Variants in CACNA1S observed in about 807,000 individuals in gnomAD.
CACNA1S encodes the protein calcium voltage-gated channel subunit alpha1 S.
Under a neutral mutation model 207.4 loss-of-function variants are expected in CACNA1S, and 126 were observed. That is an observed-to-expected ratio of 0.61 (90% CI 0.53 to 0.70). CACNA1S has a LOEUF of 0.70. CACNA1S is among the 30% of genes least tolerant of loss of function. The probability of loss-of-function intolerance (pLI) is 0.00; values close to 1 mark genes in which losing one functional copy is unlikely to be tolerated. For missense variants in CACNA1S, 2,349 were observed against 2,422.8 expected, an observed-to-expected ratio of 0.97 and a Z score of 0.64; for synonymous variants, 960 against 932.7, an observed-to-expected ratio of 1.03 and a Z score of -0.53.
At chr1:201,111,594 C>G (rs572132084) in intron 1 of CACNA1S, among the ~76,000 whole-genome samples, 1 of 152,242 alleles carries the variant, frequency 6.6e-6, no homozygotes, top group East Asian at 1.9e-4. Context: ...TTGGCTCTGT[C>G]CTCAGCTGGG....
chr1:201,041,601 G>A lies in CACNA1S; in HGVS notation c.5049-12C>T. 6.3e-7 allele frequency: 1 copy of A among 1,598,482 alleles called. No individual in the cohort carries two copies. Among genetic ancestry groups the A allele is most frequent in the East Asian group, 2.2e-5 (1 of 44,790 alleles). ...TTTCATAGTGGACACTGAAATGGAA[G>A]CAAGGCTGGGTGAACCAGAGAAGGC... is the stretch of plus-strand genomic sequence containing the variant. On this transcript the variant is annotated splice_polypyrimidine_tract_variant and intron_variant, in intron 40 of 43. Transcript: ENST00000362061.
At chr1:201,095,155 TA>T (rs918924295) in intron 2 of CACNA1S, among the ~76,000 whole-genome samples, 3 of 137,862 alleles carry the variant, frequency 2.2e-5, no homozygotes, top group Non-Finnish European at 3.2e-5. Context: ...TACATATATA[TA>T]CATATATATA....
At chr1:201,054,444 T>G in intron 29 of CACNA1S, 61 bp downstream of exon 29, 1 of 1,505,470 alleles carries the variant, frequency 6.6e-7, no homozygotes, top group Non-Finnish European at 9.2e-7. Flanking sequence ...GGCCCATGCA[T>G]GCAAGTGGCA....
chr1:201,074,521 C>A lies in CACNA1S; in HGVS notation c.2048G>T (p.Arg683Leu). 6.2e-7 allele frequency: 1 copy of A among 1,611,924 alleles called. No individual in the cohort carries two copies. Among genetic ancestry groups the A allele is most frequent in the East Asian group, 2.2e-5 (1 of 44,882 alleles). Residue 683 changes from arginine (R) to leucine (L), a missense_variant, in exon 14 of 44, where the codon CGC becomes CTC. Transcript: ENST00000362061. ...AQKAKAEEKK[R>L]RKMSKGLPDK... ...AAGCACTCACTTGGACATCTTCCTG[C>A]GTTTTTTCTCCTCAGCCTTGGCCTT...
Position 201,084,959 on chromosome 1 carries a change from A to G in CACNA1S, c.1223T>C (p.Ile408Thr), listed in dbSNP as rs1156295679. Reference sequence around the variant, plus strand: ...GTGGGCAGATACTCACATGAACTGGATGATTTTGTTCAAGCCTGCAATTTC... The same window carrying G: ...GTGGGCAGATACTCACATGAACTGGGTGATTTTGTTCAAGCCTGCAATTTC... The part of the protein sequence containing the change: ...LYEIAGLNKI[I>T]QFIRHWRQWN... The change falls in exon 9 of 44, where the codon ATC becomes ACC. Residue 408 changes from isoleucine to threonine, a missense_variant. Transcript: ENST00000362061. 1.9e-6 allele frequency: 3 copies of G among 1,612,126 alleles called. No homozygotes were observed. Among genetic ancestry groups the G allele is most frequent in the Admixed American group, 1.7e-5 (1 of 60,028 alleles).
At chr1:201,062,542 G>T (rs1365217510) in intron 22 of CACNA1S, 28 bp from the exon 23 acceptor site, 4 of 1,597,134 alleles carry the variant, frequency 2.5e-6, no homozygotes, top group East Asian at 2.2e-5. Flanking sequence ...GAGGGAGGGA[G>T]GGAGGCATGT....
chr1:201,047,392 G>A, intron 37 of CACNA1S, 133 bp downstream of exon 37: 1 of 1,250,282 alleles, frequency 8.0e-7, no homozygotes, highest in Admixed American at 1.9e-5. Context: ...GAGGTTGGAT[G>A]CCCGTGGGAT....
chr1:201,072,113 T>C (rs9427467), intron 16 of CACNA1S, among the ~76,000 whole-genome samples: 120,292 of 152,116 alleles, frequency 0.79, 47,755 homozygotes, highest in East Asian at 0.97. Context: ...CAGGGCTCTG[T>C]CAGGTGGCCT....
At chr1:201,084,918 G>T (rs769084152) in intron 9 of CACNA1S, 32 bp downstream of exon 9, 15 of 1,476,812 alleles carry the variant, frequency 1.0e-5, no homozygotes, top group Non-Finnish European at 1.4e-5. Context: ...GCTGGGGGTT[G>T]GGGGTTCCTG....
At chr1:201,087,448 G>A (rs1662070999) in intron 7 of CACNA1S, among the ~76,000 whole-genome samples, 2 of 152,198 alleles carry the variant, frequency 1.3e-5, no homozygotes, top group Non-Finnish European at 2.9e-5. Flanking sequence ...GGGGCCAGGA[G>A]GCTGGAGTTT....
chr1:201,087,802 C>A (rs763884745), intron 7 of CACNA1S, 24 bp downstream of exon 7: 3 of 1,498,618 alleles, frequency 2.0e-6, no homozygotes, highest in Non-Finnish European at 1.9e-6. Flanking sequence ...TCTTTTCTCC[C>A]CTGGCTACCT....
At chr1:201,077,151 T>C in intron 11 of CACNA1S, 24 bp from the exon 12 acceptor site, 1 of 1,606,500 alleles carries the variant, frequency 6.2e-7, no homozygotes, top group Non-Finnish European at 8.5e-7. Flanking sequence ...AGGCACAAGG[T>C]GGGAGGAGAC....
rs540187846 is a variant in CACNA1S, at chr1:201,070,519, G to A, written c.2228-115C>T. 10 of 1,397,842 alleles carry A rather than the reference G, an allele frequency of 7.2e-6. No homozygotes were observed. In the East Asian group the frequency reaches 2.3e-4, roughly 32 times the overall value. The allele number at this position is 1,397,842 out of a possible 1,614,324, so 86.6% of individuals were successfully genotyped here. A position where few individuals can be genotyped will look rare whatever the true frequency, so the allele number is the denominator to read the frequency against. Reference sequence around the variant, plus strand: ...GCAGCCAGTAAGCAAGGGACCACCAGGCTGACTTGGGACCCTAGGGCTTTG... The same window carrying A: ...GCAGCCAGTAAGCAAGGGACCACCAAGCTGACTTGGGACCCTAGGGCTTTG... On this transcript the variant is annotated intron_variant, in intron 16 of 43. Coordinates refer to ENST00000362061, the MANE Select transcript of CACNA1S (RefSeq NM_000069.3).
At chr1:201,110,808 T>C (rs1263484298) in intron 1 of CACNA1S, among the ~76,000 whole-genome samples, 1 of 151,948 alleles carries the variant, frequency 6.6e-6, no homozygotes, top group Non-Finnish European at 1.5e-5. Flanking sequence ...CTCACACCCA[T>C]CACACCTCAC....
rs3767510 is a variant in CACNA1S at position 201,075,216 on chromosome 1, C to T, written c.1948+279G>A. 0.44 allele frequency among the ~76,000 whole-genome samples: 67,012 copies of T among 152,088 alleles called. 16,215 individuals are homozygous for T. The highest frequency in any genetic ancestry group is 0.96 in the East Asian group (4,957 of 5,170). ...GTTCCTCAGCAAAGCTCTGTCCTTC[C>T]TCCCCACTGCTCTAGGCTCACTGAC... On this transcript the variant is annotated intron_variant, in intron 13 of 43. Coordinates refer to ENST00000362061, the MANE Select transcript of CACNA1S (RefSeq NM_000069.3).
At chr1:201,043,849 C>T (rs537281555) in intron 39 of CACNA1S, among the ~76,000 whole-genome samples, 1 of 151,992 alleles carries the variant, frequency 6.6e-6, no homozygotes, top group South Asian at 2.1e-4. Flanking sequence ...CGCTCTGAAA[C>T]TGATTTACTA....
At chr1:201,079,549 A>G (rs1198897043) in intron 10 of CACNA1S, among the ~76,000 whole-genome samples, 1 of 110,380 alleles carries the variant, frequency 9.1e-6, no homozygotes, top group Non-Finnish European at 1.9e-5. Flanking sequence ...AGTTCTCCCC[A>G]CCCCTACCCC....
chr1:201,081,155 T>G (rs1236809421), intron 10 of CACNA1S, among the ~76,000 whole-genome samples: 2 of 152,114 alleles, frequency 1.3e-5, no homozygotes, highest in African/African-American at 4.8e-5. Context: ...AGTTCCCACC[T>G]CATGCAGGTC....
intron 14 of CACNA1S, 80 bp from the exon 15 acceptor site, chr1:201,073,722 A>AGCCCTTGGTGTGGGATCC: frequency 8.9e-7 from 1 of 1,119,090 alleles, no homozygotes; most frequent in Non-Finnish European, 1.4e-6. Flanking sequence ...CTTCAGGAGG[A>AGCCCTTGGTGTGGGATCC]TCCCACACCA....
Sources: allele counts gnomAD v4.1 joint callset (sites outside exome capture counted in the v4.1 genomes callset), GRCh38; gene constraint gnomAD v4.1.1; transcripts MANE v1.5; gene names NCBI Gene and HGNC (gene_info 2026-07-23, HGNC 2026-07-21).